PCSK6: variants seen among roughly 807,000 people sequenced by gnomAD.
PCSK6 encodes the protein proprotein convertase subtilisin/kexin type 6.
PCSK6 carries 85 observed loss-of-function variants against 123.3 expected under a neutral mutation model. That is an observed-to-expected ratio of 0.69 (90% confidence interval 0.58 to 0.83). PCSK6 has a LOEUF of 0.83. Among genes scored for constraint, PCSK6 ranks in the 40% least tolerant of loss-of-function variants. PCSK6 has a pLI of 0.00. For missense variants in PCSK6, 1,191 were observed against 1,282.3 expected (o/e 0.93, Z 1.09); for synonymous variants, 508 against 516.0 (o/e 0.98, Z 0.21).
At chr15:101,322,462 A>C (rs2040147656) in intron 18 of PCSK6, 58 bp downstream of exon 18, 1 of 1,220,350 alleles carries the variant, frequency 8.2e-7, no homozygotes, top group African/African-American at 1.5e-5. Context: ...GTAAATCCAT[A>C]ACACACTCCA....
chr15:101,419,373 G>A (rs545726829), intron 6 of PCSK6, among the ~76,000 whole-genome samples: 19 of 152,068 alleles, frequency 1.2e-4, no homozygotes, highest in South Asian at 2.1e-4. Context: ...GTATAAAATC[G>A]ATATGGAGAA....
At chr15:101,350,794 C>T (rs1443759713) in intron 13 of PCSK6, among the ~76,000 whole-genome samples, 1 of 152,178 alleles carries the variant, frequency 6.6e-6, no homozygotes, top group Non-Finnish European at 1.5e-5. Context: ...TTAAAGTGTG[C>T]TTGTCCCAAG....
At chr15:101,417,158 T>C (rs2055916805) in intron 6 of PCSK6, among the ~76,000 whole-genome samples, 1 of 152,246 alleles carries the variant, frequency 6.6e-6, no homozygotes, top group Non-Finnish European at 1.5e-5. Flanking sequence ...GATGGGTTTA[T>C]CAGGGGTTTC....
intron 12 of PCSK6, among the ~76,000 whole-genome samples, chr15:101,367,311 C>CT (rs1408717561): frequency 6.6e-6 from 1 of 152,196 alleles, no homozygotes; most frequent in Non-Finnish European, 1.5e-5. Flanking sequence ...TCTTCACAGT[C>CT]TAATTTTCTA....
intron 1 of PCSK6, among the ~76,000 whole-genome samples, chr15:101,452,811 C>T (rs993582906): frequency 4.1e-5 from 3 of 72,682 alleles, no homozygotes; most frequent in South Asian, 5.6e-4. Flanking sequence ...TGATAAAGAC[C>T]GGTGGAATTC....
At chr15:101,409,232 CGG>C (rs1567199917) in intron 6 of PCSK6, among the ~76,000 whole-genome samples, 37 of 151,560 alleles carry the variant, frequency 2.4e-4, no homozygotes, top group African/African-American at 7.5e-4. Flanking sequence ...CCGAGGCGGG[CGG>C]ATCACGAGGT....
chr15:101,369,895 G>A (rs7176432), intron 12 of PCSK6, among the ~76,000 whole-genome samples: 58,998 of 152,116 alleles, frequency 0.39, 12,550 homozygotes, highest in African/African-American at 0.55. Flanking sequence ...GGTTCTGCAG[G>A]GCAGCCCACG....
chr15:101,304,855 G>A lies in PCSK6; in HGVS notation c.*403C>T, dbSNP rs572454819. 1.0e-4 allele frequency: 18 copies of A among 172,962 alleles called. No individual in the cohort carries two copies. The highest frequency in any genetic ancestry group is 3.3e-4 in the African/African-American group (14 of 42,092). The allele number at this position is 172,962 out of a possible 1,614,324, so 10.7% of individuals were successfully genotyped here. ...TGGCCCAGGGTTCGCCAGCTGGGCC[G>A]GGGAGATTTACTACACAGCCGCAGA... On this transcript the variant is annotated 3_prime_UTR_variant, in exon 22 of 22. Coordinates refer to ENST00000611716, the MANE Select transcript of PCSK6 (RefSeq NM_002570.5).
At position 101,305,404 on chromosome 15, in the gene PCSK6, G is replaced by C; in HGVS notation, c.2813-49C>G. On this transcript the variant is annotated intron_variant, in intron 21 of 21. Transcript: ENST00000611716. The surrounding 1 kb of genome is among the most constrained non-coding windows in gnomAD (Gnocchi z 4.8). ...CAAAAGAGGGAAAGGTCAGTCTTCG[G>C]TGCCTGTGAAGATTGTTTCAAGGCC... 1.3e-6 allele frequency: 2 copies of C among 1,502,588 alleles called. No individual in the cohort carries two copies. The allele number at this position is 1,502,588 out of a possible 1,614,324, so 93.1% of individuals were successfully genotyped here. A position where few individuals can be genotyped will look rare whatever the true frequency, so the allele number is the denominator to read the frequency against.
At chr15:101,375,990 C>T (rs551139576) in intron 11 of PCSK6, among the ~76,000 whole-genome samples, 150 of 152,292 alleles carry the variant, frequency 9.8e-4, no homozygotes, top group African/African-American at 3.4e-3. Context: ...GCCGAGATCG[C>T]GCCACTGCAC....
chr15:101,466,055 T>C (rs940623009), intron 1 of PCSK6, among the ~76,000 whole-genome samples: 4 of 150,912 alleles, frequency 2.7e-5, no homozygotes, highest in African/African-American at 4.9e-5. Flanking sequence ...AATGTCAGAG[T>C]GGATTAAAAA....
intron 6 of PCSK6, among the ~76,000 whole-genome samples, chr15:101,424,443 C>T (rs1236054098): frequency 6.6e-6 from 1 of 152,122 alleles, no homozygotes; most frequent in Non-Finnish European, 1.5e-5. Flanking sequence ...AGAGAAGCCA[C>T]TTTCAGATAA....
At chr15:101,342,471 G>T (rs1234350195) in intron 13 of PCSK6, among the ~76,000 whole-genome samples, 1 of 152,214 alleles carries the variant, frequency 6.6e-6, no homozygotes, top group South Asian at 2.1e-4. Flanking sequence ...AAGAGGAACA[G>T]AGTATTTCAT....
At chr15:101,391,891 C>A (rs1470556819) in intron 8 of PCSK6, among the ~76,000 whole-genome samples, 2 of 152,136 alleles carry the variant, frequency 1.3e-5, no homozygotes, top group East Asian at 3.8e-4. Flanking sequence ...CCCTTCTTAC[C>A]CACATATTAT....
intron 1 of PCSK6, among the ~76,000 whole-genome samples, chr15:101,448,928 T>C (rs2056961252): frequency 6.6e-6 from 1 of 152,248 alleles, no homozygotes; most frequent in South Asian, 2.1e-4. Flanking sequence ...TTCCATTATG[T>C]CTGTATACGA....
intron 13 of PCSK6, among the ~76,000 whole-genome samples, chr15:101,355,006 C>T (rs1459171036): frequency 6.6e-6 from 1 of 152,238 alleles, no homozygotes. Context: ...CACGTAGGTG[C>T]TAATCATCAT....
chr15:101,383,103 A>AGGC (rs2041954084), intron 10 of PCSK6, among the ~76,000 whole-genome samples: 1 of 152,176 alleles, frequency 6.6e-6, no homozygotes, highest in Non-Finnish European at 1.5e-5. Flanking sequence ...TTTTCAGTAT[A>AGGC]CCTGATAAGA....
chr15:101,477,881 A>G (rs1385955856), intron 1 of PCSK6, among the ~76,000 whole-genome samples: 5 of 152,208 alleles, frequency 3.3e-5, no homozygotes, highest in Non-Finnish European at 5.9e-5. Flanking sequence ...ACTCTACATC[A>G]AGAATGTTGC....
intron 10 of PCSK6, among the ~76,000 whole-genome samples, chr15:101,383,223 A>G (rs1471316140): frequency 6.6e-6 from 1 of 152,090 alleles, no homozygotes; most frequent in Non-Finnish European, 1.5e-5. Flanking sequence ...CCTGGGCAAC[A>G]CGGTGAAACC....
Sources: allele counts gnomAD v4.1 joint callset (sites outside exome capture counted in the v4.1 genomes callset), GRCh38; gene constraint gnomAD v4.1.1; non-coding constraint Gnocchi (gnomAD v3.1); transcripts MANE v1.5; gene names NCBI Gene and HGNC (gene_info 2026-07-23, HGNC 2026-07-21).